The following SLC9C2 variants were observed in gnomAD, a reference collection of about 807,000 sequenced individuals.
SLC9C2 encodes solute carrier family 9 member C2 (putative), also known as sodium/hydrogen exchanger 11.
A neutral mutation model predicts 140.2 loss-of-function variants in SLC9C2; 75 were observed. The ratio of observed to expected loss-of-function variants is 0.53; its 90% CI spans 0.44 to 0.65. The LOEUF (loss-of-function observed/expected upper bound fraction) is 0.65. Ranked by LOEUF, SLC9C2 falls within the 30% of genes least tolerant of loss-of-function variation. SLC9C2 has a pLI of 0.00. For synonymous variants in SLC9C2, 375 were observed against 420.9 expected (o/e 0.89, Z 1.34); for missense variants, 1,074 against 1,331.8 (o/e 0.81, Z 3.01).
At chr1:173,514,117 G>A (rs1275919733) in intron 23 of SLC9C2, among the ~76,000 whole-genome samples, 1 of 152,254 alleles carries the variant, frequency 6.6e-6, no homozygotes, top group Non-Finnish European at 1.5e-5. Context: ...ATGTGGCACT[G>A]AGAAGAATGT....
chr1:173,566,998 CTT>C (rs934633124), intron 9 of SLC9C2, among the ~76,000 whole-genome samples: 2 of 151,862 alleles, frequency 1.3e-5, no homozygotes, highest in African/African-American at 2.4e-5. Flanking sequence ...CAAAATTCTT[CTT>C]GTTATTGATT....
chr1:173,554,179 C>T (rs771554581), intron 11 of SLC9C2, among the ~76,000 whole-genome samples: 10 of 152,188 alleles, frequency 6.6e-5, no homozygotes, highest in Admixed American at 2.6e-4. Context: ...TTTGGCTGAT[C>T]ATATCGCCAG....
At chr1:173,583,997 T>C (rs867458977) in intron 5 of SLC9C2, among the ~76,000 whole-genome samples, 1 of 152,180 alleles carries the variant, frequency 6.6e-6, no homozygotes, top group Non-Finnish European at 1.5e-5. Flanking sequence ...ATTCTACTCC[T>C]AGGTATATAC....
In SLC9C2 at chr1:173,602,102, C is replaced by T. The variant is rs543337042; in HGVS notation, c.-79-247G>A. Among the ~76,000 whole-genome samples the T allele has an allele frequency of 7.2e-5, 11 of 152,270 alleles. 1 individual carries two copies. In the South Asian group the frequency reaches 2.3e-3, roughly 32 times the overall value. ...GGGGTGCATTGATAGGTGCACTTAC[C>T]ATTGTAATGATATAGTAATGTGCTT... On this transcript the variant is annotated intron_variant, in intron 1 of 27. Coordinates refer to ENST00000367714, the MANE Select transcript of SLC9C2 (RefSeq NM_178527.4).
At position 173,515,537 on chromosome 1, in the gene SLC9C2, G is replaced by A. The variant is rs139817066; in HGVS notation, c.2907+2000C>T. 9.5e-3 allele frequency among the ~76,000 whole-genome samples: 1,449 copies of A among 152,238 alleles called. 26 individuals carry two copies. Among genetic ancestry groups the A allele is most frequent in the African/African-American group, 0.033 (1,391 of 41,540 alleles). The stretch of plus-strand genomic sequence containing the variant: ...GTCATCTATGTTCCTTTCTAAACTA[G>A]TTATTCTAGTTAGCAGCTCCTGTAA... On this transcript the variant is annotated intron_variant, in intron 23 of 27. Coordinates refer to ENST00000367714, the MANE Select transcript of SLC9C2 (RefSeq NM_178527.4).
At chr1:173,505,064 T>C (rs1368297179) in intron 26 of SLC9C2, among the ~76,000 whole-genome samples, 183 bp downstream of exon 26, 1 of 152,156 alleles carries the variant, frequency 6.6e-6, no homozygotes, top group Non-Finnish European at 1.5e-5. Context: ...GATTTTAGGG[T>C]CTGGAAGTCT....
At chr1:173,514,144 G>C (rs924667774) in intron 23 of SLC9C2, among the ~76,000 whole-genome samples, 14 of 152,214 alleles carry the variant, frequency 9.2e-5, no homozygotes, top group Non-Finnish European at 2.9e-5. Flanking sequence ...TGTTGATTTA[G>C]GGTGGAGAGT....
At chr1:173,587,531 A>G (rs957381696) in intron 5 of SLC9C2, 134 bp downstream of exon 5, 5 of 795,706 alleles carry the variant, frequency 6.3e-6, no homozygotes, top group African/African-American at 3.5e-5. Flanking sequence ...TCAGTGCTCT[A>G]CCTCTCAAGG....
chr1:173,501,766 G>A (rs1659291583), intron 27 of SLC9C2, among the ~76,000 whole-genome samples: 1 of 152,008 alleles, frequency 6.6e-6, no homozygotes, highest in Non-Finnish European at 1.5e-5. Flanking sequence ...AGAGAGGAGA[G>A]GAAGGCCCTA....
chr1:173,559,182 A>G (rs1663924562), intron 9 of SLC9C2, among the ~76,000 whole-genome samples: 1 of 152,334 alleles, frequency 6.6e-6, no homozygotes, highest in East Asian at 1.9e-4. Context: ...AGTCTTTTCT[A>G]GTTTAAAGAT....
intron 23 of SLC9C2, among the ~76,000 whole-genome samples, chr1:173,515,296 A>G (rs1338736179): frequency 1.3e-5 from 2 of 152,172 alleles, no homozygotes; most frequent in African/African-American, 2.4e-5. Flanking sequence ...AGGTACTCCA[A>G]TCAATCATAG....
In SLC9C2 at chr1:173,506,141, G is replaced by A. The variant is rs896357282; in HGVS notation, c.3225+715C>T. Among the ~76,000 whole-genome samples the A allele has an allele frequency of 2.6e-5, 4 of 152,240 alleles. 1 individual carries two copies. The highest frequency in any genetic ancestry group is 6.5e-5 in the Admixed American group (1 of 15,292). On this transcript the variant is annotated intron_variant, in intron 25 of 27. Coordinates refer to ENST00000367714, the MANE Select transcript of SLC9C2 (RefSeq NM_178527.4). ...TTGAAAGAAGAAAATTCATTTTTTAGGTTTACCAACTTTTCCAGGACAAAT... is the reference window on the plus strand; with the variant it reads ...TTGAAAGAAGAAAATTCATTTTTTAAGTTTACCAACTTTTCCAGGACAAAT...
intron 5 of SLC9C2, among the ~76,000 whole-genome samples, chr1:173,584,183 G>A (rs1665717918): frequency 8.0e-6 from 1 of 124,644 alleles, no homozygotes; most frequent in Admixed American, 7.9e-5. Context: ...AATGAATGAA[G>A]TACTTACTGA....
chr1:173,599,362 AT>A (rs61579339), intron 3 of SLC9C2, among the ~76,000 whole-genome samples: 17 of 68,118 alleles, frequency 2.5e-4, no homozygotes, highest in East Asian at 6.0e-4. Flanking sequence ...ATTTTCCTTG[AT>A]TTTTTTTTTT....
intron 1 of SLC9C2, among the ~76,000 whole-genome samples, chr1:173,602,237 C>T (rs1666830461): frequency 6.6e-6 from 1 of 152,106 alleles, no homozygotes; most frequent in Non-Finnish European, 1.5e-5. Flanking sequence ...ATTTGATGGG[C>T]TGAACTATTT....
At chr1:173,589,115 C>T (rs1338903954) in intron 4 of SLC9C2, among the ~76,000 whole-genome samples, 1 of 152,166 alleles carries the variant, frequency 6.6e-6, no homozygotes, top group African/African-American at 2.4e-5. Flanking sequence ...TCCTCTTTTA[C>T]TCTTGTCTGT....
intron 13 of SLC9C2, among the ~76,000 whole-genome samples, chr1:173,542,530 A>G (rs1662510272): frequency 6.6e-6 from 1 of 152,220 alleles, no homozygotes; most frequent in Admixed American, 6.5e-5. Flanking sequence ...TCATCCTGAT[A>G]CCAAAGCCTG....
chr1:173,507,303 C>CTA (rs1322110934), intron 24 of SLC9C2, among the ~76,000 whole-genome samples: 3 of 151,802 alleles, frequency 2.0e-5, no homozygotes, highest in African/African-American at 7.3e-5. Context: ...GGGTAGTTGG[C>CTA]TATGACTCAG....
chr1:173,563,639 T>G (rs528180042), intron 9 of SLC9C2, among the ~76,000 whole-genome samples: 1 of 152,324 alleles, frequency 6.6e-6, no homozygotes, highest in African/African-American at 2.4e-5. Flanking sequence ...GGGCATGCAA[T>G]GCATAATAAT....
Sources: allele counts gnomAD v4.1 joint callset (sites outside exome capture counted in the v4.1 genomes callset), GRCh38; gene constraint gnomAD v4.1.1; transcripts MANE v1.5; gene names NCBI Gene and HGNC (gene_info 2026-07-23, HGNC 2026-07-21).